TRMT9B: variants seen among roughly 807,000 people sequenced by gnomAD.
TRMT9B encodes the protein tRNA methyltransferase 9B (putative).
A neutral mutation model predicts 11.5 loss-of-function variants in TRMT9B; 16 were observed. The ratio of observed to expected loss-of-function variants is 1.39; its 90% CI spans 0.94 to 2.11. The LOEUF is 2.11. Among genes scored for constraint, TRMT9B ranks in the 30% most tolerant of loss-of-function variants. TRMT9B has a pLI of 0.00. For synonymous variants in TRMT9B, 274 were observed against 192.4 expected, an observed-to-expected ratio of 1.42 and a Z score of -3.51; for missense variants, 941 against 553.8, an observed-to-expected ratio of 1.70 and a Z score of -7.02.
intron 3 of TRMT9B, among the ~76,000 whole-genome samples, chr8:13,008,312 AGGCCATTT>A (rs1810887458): frequency 6.6e-6 from 1 of 152,244 alleles, no homozygotes; most frequent in Admixed American, 6.5e-5. Context: ...CCCCAGGCTT[AGGCCATTT>A]GAAAGAGCAA....
At position 12,974,123 on chromosome 8, in the gene TRMT9B, A is replaced by G. The variant is rs370933786; in HGVS notation, c.-199-16711A>G. 5.3e-5 allele frequency among the ~76,000 whole-genome samples: 8 copies of G among 152,208 alleles called. No individual in the cohort carries two copies. The East Asian group carries it at 1.2e-3, about 22-fold the overall frequency. ...GAATTCAAGGCTTCAGTGAGCCAAG[A>G]TCGCACCGATGCTCTCCAGCCTGGG... On this transcript the variant is annotated intron_variant, in intron 1 of 4. Coordinates refer to ENST00000524591, the MANE Select transcript of TRMT9B (RefSeq NM_020844.3).
chr8:12,980,544 C>A (rs144672420), intron 1 of TRMT9B, among the ~76,000 whole-genome samples: 1 of 152,066 alleles, frequency 6.6e-6, no homozygotes, highest in Non-Finnish European at 1.5e-5. Flanking sequence ...GGTTCTGCAT[C>A]CCCCCAGCAC....
rs999782123 is a variant in TRMT9B, at chr8:13,023,116, A to C, written c.*1072A>C. ...TTAGAAGCATGAATATTCAAGATTG[A>C]TATTACTATTGCTTATTAGCAAGAT... is the stretch of plus-strand genomic sequence containing the variant. On this transcript the variant is annotated 3_prime_UTR_variant, in exon 5 of 5. Coordinates refer to ENST00000524591, the MANE Select transcript of TRMT9B (RefSeq NM_020844.3). 6.0e-6 allele frequency: 1 copy of C among 167,116 alleles called. No individual in the cohort carries two copies. Among genetic ancestry groups the C allele is most frequent in the African/African-American group, 2.4e-5 (1 of 41,454 alleles). 10.4% of individuals were successfully genotyped at this position (167,116 alleles called of 1,614,324 possible).
intron 1 of TRMT9B, among the ~76,000 whole-genome samples, chr8:12,948,984 A>G (rs570361875): frequency 3.8e-4 from 58 of 152,164 alleles, no homozygotes; most frequent in Non-Finnish European, 6.6e-4. Context: ...AAAAAACCAG[A>G]AAAACACGTG....
At chr8:12,955,386 T>G (rs1801160494) in intron 1 of TRMT9B, among the ~76,000 whole-genome samples, 2 of 152,096 alleles carry the variant, frequency 1.3e-5, no homozygotes, top group South Asian at 4.1e-4. Flanking sequence ...TCTTCACACA[T>G]ATGCGTGTTT....
chr8:13,025,522 A>G lies in TRMT9B; in HGVS notation c.*3478A>G, dbSNP rs189117790. On this transcript the variant is annotated 3_prime_UTR_variant, in exon 5 of 5. Transcript: ENST00000524591. Reference sequence around the variant, plus strand: ...ACAAGAGTGAAACTCCATCTCCAACAAAACAAAACTTTGCTGGCTTCCTGA... The same window carrying G: ...ACAAGAGTGAAACTCCATCTCCAACGAAACAAAACTTTGCTGGCTTCCTGA... 1.2e-5 allele frequency: 2 copies of G among 166,888 alleles called. No individual in the cohort carries two copies. The highest frequency in any genetic ancestry group is 2.4e-5 in the African/African-American group (1 of 41,586). The allele number at this position is 166,888 out of a possible 1,614,324, so 10.3% of individuals were successfully genotyped here.
chr8:12,947,701 G>A (rs1419227320), intron 1 of TRMT9B, among the ~76,000 whole-genome samples: 3 of 152,220 alleles, frequency 2.0e-5, no homozygotes, highest in Non-Finnish European at 4.4e-5. Flanking sequence ...AAGAACTTAC[G>A]TGAATTCCTT....
chr8:12,981,630 C>T (rs1805408352), intron 1 of TRMT9B, among the ~76,000 whole-genome samples: 1 of 151,880 alleles, frequency 6.6e-6, no homozygotes, highest in Non-Finnish European at 1.5e-5. Flanking sequence ...AACAGGGTCT[C>T]GCTCTATTGC....
intron 4 of TRMT9B, among the ~76,000 whole-genome samples, chr8:13,018,099 A>AAT (rs35059545): frequency 0.11 from 169 of 1,494 alleles, no homozygotes; most frequent in African/African-American, 0.24. Context: ...GGACTTTCTT[A>AAT]AAAAAAAAAA....
chr8:12,999,298 C>CA (rs71207111), intron 2 of TRMT9B, among the ~76,000 whole-genome samples: 2,601 of 46,278 alleles, frequency 0.056, 103 homozygotes, highest in African/African-American at 0.15. Flanking sequence ...GACTCCATCT[C>CA]AAAAAAAAAA....
chr8:13,027,775 C>A lies in TRMT9B; in HGVS notation c.*5731C>A, dbSNP rs980441003. 1.2e-5 allele frequency: 2 copies of A among 164,060 alleles called. No individual in the cohort carries two copies. Among genetic ancestry groups the A allele is most frequent in the African/African-American group, 5.0e-5 (2 of 40,000 alleles). The allele number at this position is 164,060 out of a possible 1,614,324, so 10.2% of individuals were successfully genotyped here. A position where few individuals can be genotyped will look rare whatever the true frequency, so the allele number is the denominator to read the frequency against. On this transcript the variant is annotated 3_prime_UTR_variant, in exon 5 of 5. Transcript: ENST00000524591. ...TAAGCGTTATTATACACCCGTCCAG[C>A]AGATGGGAAAACCACGGAAGTGGGA...
chr8:12,981,571 T>C (rs1805394121), intron 1 of TRMT9B, among the ~76,000 whole-genome samples: 1 of 152,078 alleles, frequency 6.6e-6, no homozygotes, highest in Non-Finnish European at 1.5e-5. Context: ...TGGTTTATTT[T>C]TGCTTTCCTT....
chr8:12,997,322 C>T (rs1808547399), intron 2 of TRMT9B, among the ~76,000 whole-genome samples: 1 of 152,032 alleles, frequency 6.6e-6, no homozygotes. Flanking sequence ...CTGGCATCTC[C>T]TCCCCTCTCT....
At chr8:13,016,189 G>T (rs1812638558) in intron 4 of TRMT9B, among the ~76,000 whole-genome samples, 1 of 143,946 alleles carries the variant, frequency 6.9e-6, no homozygotes, top group Non-Finnish European at 1.5e-5. Flanking sequence ...AAATATAAAT[G>T]TGAAATATAT....
chr8:12,995,942 C>T (rs560524404), intron 2 of TRMT9B, among the ~76,000 whole-genome samples: 1 of 152,230 alleles, frequency 6.6e-6, no homozygotes, highest in South Asian at 2.1e-4. Context: ...TAAATGAGGA[C>T]ACTAGTTTGT....
intron 1 of TRMT9B, among the ~76,000 whole-genome samples, chr8:12,975,312 A>G (rs1804272224): frequency 6.6e-6 from 1 of 152,248 alleles, no homozygotes; most frequent in African/African-American, 2.4e-5. Flanking sequence ...TATACTTGAT[A>G]TAGATAACAA....
At position 13,024,279 on chromosome 8, in the gene TRMT9B, G is replaced by C. The variant is rs973398804; in HGVS notation, c.*2235G>C. On this transcript the variant is annotated 3_prime_UTR_variant, in exon 5 of 5. Transcript: ENST00000524591. The stretch of plus-strand genomic sequence containing the variant: ...AGGATGGTCTCGATCTCCTGACGTC[G>C]TGATCCACCCGCCTCGGCCCCCCAC... 1.2e-5 allele frequency: 2 copies of C among 160,962 alleles called. No individual in the cohort carries two copies. The highest frequency in any genetic ancestry group is 4.8e-5 in the African/African-American group (2 of 41,422). The allele number at this position is 160,962 out of a possible 1,614,324, so 10.0% of individuals were successfully genotyped here.
At chr8:12,989,701 C>G (rs7821427) in intron 1 of TRMT9B, among the ~76,000 whole-genome samples, 1 of 152,046 alleles carries the variant, frequency 6.6e-6, no homozygotes, top group Non-Finnish European at 1.5e-5. Context: ...TAAGTCCGAA[C>G]AGAGAATCTT....
intron 1 of TRMT9B, among the ~76,000 whole-genome samples, chr8:12,979,098 G>A (rs1319464300): frequency 2.6e-5 from 4 of 152,132 alleles, no homozygotes; most frequent in Non-Finnish European, 4.4e-5. Context: ...AATGGGCTGA[G>A]CTCTCTCCCT....
Sources: gnomAD v4.1 joint callset for allele counts (sites outside exome capture counted in the v4.1 genomes callset) on GRCh38, gnomAD v4.1.1 for gene constraint, MANE v1.5 for transcripts, NCBI Gene and HGNC (gene_info 2026-07-23, HGNC 2026-07-21) for gene names.